The following HRH2 variants were observed in gnomAD, a reference collection of about 807,000 sequenced individuals.
HRH2 encodes the protein histamine receptor H2.
A neutral mutation model predicts 20.1 loss-of-function variants in HRH2; 4 were observed. The ratio of observed to expected loss-of-function variants is 0.20; its 90% confidence interval spans 0.10 to 0.45. HRH2 has a LOEUF of 0.45. Ranked by LOEUF, HRH2 falls within the 20% of genes least tolerant of loss-of-function variation. The pLI is 0.99. For synonymous variants in HRH2, 197 were observed against 200.7 expected (o/e 0.98, Z 0.16); for missense variants, 250 against 461.6 (o/e 0.54, Z 4.20).
At chr5:175,682,156 C>T (rs532283471) in intron 1 of HRH2, among the ~76,000 whole-genome samples, 46 of 152,344 alleles carry the variant, frequency 3.0e-4, no homozygotes, top group African/African-American at 1.1e-3. Context: ...AGAGCCGAGC[C>T]GTCACAGGCT....
chr5:175,710,310 GT>G lies in HRH2; in HGVS notation c.*2340del, dbSNP rs1757056265. On this transcript the variant is annotated 3_prime_UTR_variant, in exon 3 of 3. Coordinates refer to ENST00000636584, the MANE Select transcript of HRH2 (RefSeq NM_001367711.1). ...GATCAGAGAAAAGAGAGTGCAGAGA[GT>G]GGCCAAAACAGATGCTTTCAGCAGT... 3 of 152,530 alleles carry G rather than the reference GT, an allele frequency of 2.0e-5. No individual in the cohort carries two copies. The highest frequency in any genetic ancestry group is 2.0e-4 in the Admixed American group (3 of 15,306). 9.4% of individuals were successfully genotyped at this position (152,530 alleles called of 1,614,324 possible). A position where few individuals can be genotyped will look rare whatever the true frequency, so the allele number is the denominator to read the frequency against.
At chr5:175,699,856 A>C (rs1756740028) in intron 2 of HRH2, among the ~76,000 whole-genome samples, 2 of 152,218 alleles carry the variant, frequency 1.3e-5, no homozygotes, top group Admixed American at 6.5e-5. Context: ...TAGAGGCGTG[A>C]TCTACTGTCA....
At position 175,683,797 on chromosome 5, in the gene HRH2, G is replaced by A. The variant is rs1298122800; in HGVS notation, c.564G>A (p.Leu188=). The A allele has an allele frequency of 1.2e-6, 2 of 1,614,010 alleles. No individual in the cohort carries two copies. Among genetic ancestry groups the A allele is most frequent in the Non-Finnish European group, 1.7e-6 (2 of 1,180,048 alleles). ...AAGTGTACGGGCTGGTGGATGGGCT[G>A]GTCACCTTCTACCTCCCGCTACTGA... ...VNEVYGLVDG[L]VTFYLPLLIM... Residue 188 remains leucine, a synonymous_variant, in exon 2 of 3, where the codon CTG becomes CTA. Transcript: ENST00000636584.
chr5:175,683,183 G>A lies in HRH2; in HGVS notation c.-51G>A. The A allele has an allele frequency of 6.4e-7, 1 of 1,573,782 alleles. No individual in the cohort carries two copies. The highest frequency in any genetic ancestry group is 8.6e-7 in the Non-Finnish European group (1 of 1,157,142). ...GCATAGTTGTCACATTGGGAGCAGA[G>A]AAGAAGCAACCAGGGGCCCTGATCA... On this transcript the variant is annotated 5_prime_UTR_variant, in exon 2 of 3. Coordinates refer to ENST00000636584, the MANE Select transcript of HRH2 (RefSeq NM_001367711.1).
chr5:175,690,197 C>T (rs577874022), intron 2 of HRH2, among the ~76,000 whole-genome samples: 1 of 152,170 alleles, frequency 6.6e-6, no homozygotes, highest in Non-Finnish European at 1.5e-5. Context: ...TCAGGGGCCC[C>T]AGCTGGCCCC....
intron 1 of HRH2, among the ~76,000 whole-genome samples, chr5:175,675,321 G>A (rs1171800705): frequency 2.6e-5 from 4 of 152,134 alleles, no homozygotes; most frequent in Non-Finnish European, 5.9e-5. Context: ...TGATCTTACG[G>A]CTGATGATTG....
intron 1 of HRH2, among the ~76,000 whole-genome samples, chr5:175,662,674 T>A (rs1441886565): frequency 1.2e-4 from 18 of 152,178 alleles, no homozygotes. Flanking sequence ...TATAGAGACA[T>A]AATTCATATA....
chr5:175,704,918 T>G (rs1275076862), intron 2 of HRH2, among the ~76,000 whole-genome samples: 1 of 151,980 alleles, frequency 6.6e-6, no homozygotes, highest in African/African-American at 2.4e-5. Flanking sequence ...TTTTGGTTGT[T>G]GTTGTAAGTG....
chr5:175,694,316 T>A (rs1756490559), intron 2 of HRH2, among the ~76,000 whole-genome samples: 1 of 152,018 alleles, frequency 6.6e-6, no homozygotes, highest in African/African-American at 2.4e-5. Context: ...CGCACAGGCT[T>A]CTCTCCCCTC....
At chr5:175,707,053 C>T (rs1209717092) in intron 2 of HRH2, among the ~76,000 whole-genome samples, 1 of 152,164 alleles carries the variant, frequency 6.6e-6, no homozygotes, top group African/African-American at 2.4e-5. Context: ...CACACTTTGA[C>T]GGGGCTCCTA....
chr5:175,671,779 G>C (rs1755549998), intron 1 of HRH2, among the ~76,000 whole-genome samples: 1 of 152,200 alleles, frequency 6.6e-6, no homozygotes, highest in East Asian at 1.9e-4. Flanking sequence ...ATTTTCTTTG[G>C]AAAGTGCATA....
chr5:175,692,775 A>G (rs1756430513), intron 2 of HRH2, among the ~76,000 whole-genome samples: 1 of 152,202 alleles, frequency 6.6e-6, no homozygotes, highest in Non-Finnish European at 1.5e-5. Context: ...GACCATTCCA[A>G]TACTAACTAT....
In HRH2 at chr5:175,683,107, A is replaced by C. The variant is rs1171270932; in HGVS notation, c.-127A>C. The C allele has an allele frequency of 7.8e-7, 1 of 1,278,530 alleles. No individual in the cohort carries two copies. The highest frequency in any genetic ancestry group is 1.1e-6 in the Non-Finnish European group (1 of 939,960). The allele number at this position is 1,278,530 out of a possible 1,614,324, so 79.2% of individuals were successfully genotyped here. On this transcript the variant is annotated 5_prime_UTR_variant, in exon 2 of 3. Coordinates refer to ENST00000636584, the MANE Select transcript of HRH2 (RefSeq NM_001367711.1). Reference sequence around the variant, plus strand: ...CCCCCTGGCCAAAAAAAAAAAAAAAAAAAAACTGGACACATTTTGGATCTG... The same window carrying C: ...CCCCCTGGCCAAAAAAAAAAAAAAACAAAAACTGGACACATTTTGGATCTG...
At chr5:175,685,269 C>T (rs879556588) in intron 2 of HRH2, 4 of 689,434 alleles carry the variant, frequency 5.8e-6, no homozygotes, top group South Asian at 4.2e-5. Context: ...CTGAGTGGCA[C>T]CGAGGAAGCT....
chr5:175,662,467 T>C (rs1387716990), intron 1 of HRH2, among the ~76,000 whole-genome samples: 1 of 152,272 alleles, frequency 6.6e-6, no homozygotes, highest in East Asian at 1.9e-4. Flanking sequence ...TAAGAAACCC[T>C]GGGCTGGAAG....
intron 2 of HRH2, among the ~76,000 whole-genome samples, chr5:175,700,488 C>T (rs1756759734): frequency 6.6e-6 from 1 of 152,212 alleles, no homozygotes; most frequent in Admixed American, 6.5e-5. Context: ...AACCCAGGGA[C>T]ATAAGTGCCT....
chr5:175,662,745 G>C (rs1762775122), intron 1 of HRH2, among the ~76,000 whole-genome samples: 1 of 152,128 alleles, frequency 6.6e-6, no homozygotes. Flanking sequence ...ACACAGAGTT[G>C]TGCAGCCATC....
intron 1 of HRH2, among the ~76,000 whole-genome samples, chr5:175,661,193 A>G (rs1038932377): frequency 6.6e-6 from 1 of 151,988 alleles, no homozygotes; most frequent in Non-Finnish European, 1.5e-5. Flanking sequence ...TTCCATTCAA[A>G]CCAGATCTTC....
intron 2 of HRH2, among the ~76,000 whole-genome samples, chr5:175,691,526 G>A (rs1472417238): frequency 6.6e-6 from 1 of 152,130 alleles, no homozygotes; most frequent in Non-Finnish European, 1.5e-5. Flanking sequence ...CCCAGGGACC[G>A]TGATGGGGCG....
Sources: gnomAD v4.1 joint callset for allele counts (sites outside exome capture counted in the v4.1 genomes callset) on GRCh38, gnomAD v4.1.1 for gene constraint, MANE v1.5 for transcripts, NCBI Gene and HGNC (gene_info 2026-07-23, HGNC 2026-07-21) for gene names.